Variants in HK1 observed in about 807,000 individuals in gnomAD.
HK1 encodes the protein hexokinase-1.
A neutral mutation model predicts 91.6 loss-of-function variants in HK1; 28 were observed. The observed-to-expected ratio is 0.31, with a 90% CI of 0.23 to 0.42. The LOEUF (loss-of-function observed/expected upper bound fraction) is 0.42, where lower values mean the gene tolerates loss of function less well. Ranked by LOEUF, HK1 falls within the 10% of genes least tolerant of loss-of-function variation. HK1 has a pLI of 1.00. For missense variants in HK1, 770 were observed against 1,219.8 expected (o/e 0.63, Z 5.49); for synonymous variants, 430 against 468.1 (o/e 0.92, Z 1.05).
At chr10:69,283,808 A>AAAAAAAAAAAAAAAAG (rs1564751495) in intron 2 of HK1, among the ~76,000 whole-genome samples, 4 of 144,704 alleles carry the variant, frequency 2.8e-5, no homozygotes, top group South Asian at 2.2e-4. Flanking sequence ...CAAAAAAAAA[A>AAAAAAAAAAAAAAAAG]AAAAAAAAAG....
intron 4 of HK1, 102 bp from the exon 5 acceptor site, chr10:69,368,434 C>T: frequency 9.9e-7 from 1 of 1,008,580 alleles, no homozygotes; most frequent in Non-Finnish European, 1.6e-6. Flanking sequence ...CACTTGGCCC[C>T]TATGGGCTTC....
intron 1 of HK1, among the ~76,000 whole-genome samples, chr10:69,325,968 G>A (rs1485316679): frequency 1.3e-5 from 2 of 151,480 alleles, no homozygotes; most frequent in Non-Finnish European, 2.9e-5. Flanking sequence ...CCTAGTAGCT[G>A]GGATTACAGG....
At chr10:69,330,070 G>A (rs1217088463) in intron 1 of HK1, among the ~76,000 whole-genome samples, 4 of 152,148 alleles carry the variant, frequency 2.6e-5, no homozygotes, top group South Asian at 2.1e-4. Context: ...TGCTCCTTGC[G>A]ATGCCCACTC....
chr10:69,361,353 C>T (rs1849408514), intron 3 of HK1, among the ~76,000 whole-genome samples: 1 of 152,246 alleles, frequency 6.6e-6, no homozygotes, highest in Non-Finnish European at 1.5e-5. Context: ...ACAAAGGCTG[C>T]CAGCTGGTAG....
At position 69,336,619 on chromosome 10, in the gene HK1, T is replaced by C. The variant is rs531943550; in HGVS notation, c.64-7208T>C. Among the ~76,000 whole-genome samples the C allele has an allele frequency of 3.2e-3, 478 of 150,924 alleles. 1 individual carries two copies. The highest frequency in any genetic ancestry group is 0.011 in the African/African-American group (445 of 40,944). Reference sequence around the variant, plus strand: ...CTTTAGTTTTCTACCAATGGGTCAATAGCATTTTGGTAGATGCCTTTTTTT... The same window carrying C: ...CTTTAGTTTTCTACCAATGGGTCAACAGCATTTTGGTAGATGCCTTTTTTT... On this transcript the variant is annotated intron_variant, in intron 1 of 17. Transcript: ENST00000359426.
At chr10:69,360,099 C>T in intron 3 of HK1, 54 bp downstream of exon 3, 1 of 1,562,166 alleles carries the variant, frequency 6.4e-7, no homozygotes, top group Non-Finnish European at 8.8e-7. Flanking sequence ...CCCTTGGTTA[C>T]CTCCAGGAAC....
At chr10:69,312,826 C>T (rs1846438882), upstream of HK1, among the ~76,000 whole-genome samples, 1 of 151,774 alleles carries the variant, frequency 6.6e-6, no homozygotes, top group South Asian at 2.1e-4. Context: ...TTGGTCTTTC[C>T]CCTTTGGAGG....
intron 2 of HK1, chr10:69,288,537 C>T (rs918796242): frequency 1.7e-5 from 11 of 636,270 alleles, no homozygotes; most frequent in Admixed American, 7.9e-5. Flanking sequence ...CCTGGGTTTA[C>T]GAATACTCTA....
At chr10:69,366,475 A>G (rs111947122) in intron 4 of HK1, among the ~76,000 whole-genome samples, 86 of 152,264 alleles carry the variant, frequency 5.6e-4, no homozygotes, top group African/African-American at 2.0e-3. Flanking sequence ...GCTTGAGAGC[A>G]CAGCAGGCCA....
intron 5 of HK1, among the ~76,000 whole-genome samples, chr10:69,306,556 A>G (rs547150660): frequency 6.6e-6 from 1 of 152,250 alleles, no homozygotes; most frequent in East Asian, 1.9e-4. Context: ...AGGAGGGTGG[A>G]GGAACAGTCA....
intron 2 of HK1, among the ~76,000 whole-genome samples, chr10:69,351,162 G>A (rs552362781): frequency 2.7e-5 from 4 of 149,698 alleles, no homozygotes; most frequent in Non-Finnish European, 4.4e-5. Flanking sequence ...GCGACAGAGC[G>A]AGACTCCGTC....
intron 2 of HK1, among the ~76,000 whole-genome samples, chr10:69,283,792 C>A: frequency 1.3e-5 from 1 of 75,704 alleles, no homozygotes; most frequent in Admixed American, 1.7e-4. Flanking sequence ...GAGTGAGACT[C>A]TGTCTCAAAA....
intron 15 of HK1, among the ~76,000 whole-genome samples, chr10:69,393,632 G>T (rs1051526590): frequency 6.6e-6 from 1 of 152,184 alleles, no homozygotes; most frequent in African/African-American, 2.4e-5. Context: ...AATGAAGGAG[G>T]AAAAAGAGGA....
chr10:69,276,118 A>AAAAAAATATATATATATATAT lies in HK1; in HGVS notation c.-391+6011_-391+6012insAAAAATATATATATATATATA. 4.2e-4 allele frequency among the ~76,000 whole-genome samples: 16 copies of AAAAAAATATATATATATATAT among 38,270 alleles called. 1 individual carries two copies. Among genetic ancestry groups the AAAAAAATATATATATATATAT allele is most frequent in the South Asian group, 1.6e-3 (1 of 644 alleles). 25.1% of individuals were successfully genotyped at this position (38,270 alleles called of 152,430 possible). ...AAAAAAAAAAAAAAAAAAAAAAAAA[A>AAAAAAATATATATATATATAT]ATACATATATATATATATATACACA... On this transcript the variant is annotated intron_variant, in intron 1 of 21. Coordinates refer to the HK1 transcript ENST00000360289.
In HK1 at chr10:69,343,443, C is replaced by T. The variant is rs149166040; in HGVS notation, c.64-384C>T. On this transcript the variant is annotated intron_variant, in intron 1 of 17. Coordinates refer to ENST00000359426, the MANE Select transcript of HK1 (RefSeq NM_000188.3). ...CTGGCTCCAGAGCCCTTGTTCGTAG[C>T]CTCTCTGTCATTCCCATCCCAGTGA... Among the ~76,000 whole-genome samples, 4 of 152,264 alleles carry T rather than the reference C, an allele frequency of 2.6e-5. No individual in the cohort carries two copies. In the East Asian group the frequency reaches 7.7e-4, roughly 29 times the overall value.
In HK1 at chr10:69,369,644, T is replaced by C. The variant is rs762730592; in HGVS notation, c.875+20T>C. On this transcript the variant is annotated intron_variant, in intron 7 of 17. Transcript: ENST00000359426. This position sits in a 1 kb window ranked among gnomAD's most constrained non-coding sequence, Gnocchi z 4.4. ...ACAGCTGTGAGTCCTTGACTTTTGC[T>C]TCTAACCACATATGTGAGTTAGGGG... 5 of 1,608,618 alleles carry C rather than the reference T, an allele frequency of 3.1e-6. No individual in the cohort carries two copies. Among genetic ancestry groups the C allele is most frequent in the Non-Finnish European group, 4.3e-6 (5 of 1,176,430 alleles).
At chr10:69,270,815 A>G (rs1468409861) in intron 1 of HK1, among the ~76,000 whole-genome samples, 1 of 152,194 alleles carries the variant, frequency 6.6e-6, no homozygotes, top group Non-Finnish European at 1.5e-5. Flanking sequence ...CTCCATGAGA[A>G]TAAAGACTTG....
At chr10:69,394,890 G>C in intron 15 of HK1, 60 bp from the exon 16 acceptor site, 1 of 1,561,828 alleles carries the variant, frequency 6.4e-7, no homozygotes, top group Non-Finnish European at 8.8e-7. Context: ...GTGAGACCGA[G>C]GGGTGACAGT....
intron 4 of HK1, chr10:69,295,726 G>A: frequency 8.3e-7 from 1 of 1,199,116 alleles, no homozygotes; most frequent in Non-Finnish European, 1.2e-6. Flanking sequence ...AACATTTTCT[G>A]TAAAAGATAG....
Sources: gnomAD v4.1 joint callset for allele counts (sites outside exome capture counted in the v4.1 genomes callset) on GRCh38, gnomAD v4.1.1 for gene constraint, Gnocchi (gnomAD v3.1) non-coding constraint, MANE v1.5 for transcripts, NCBI Gene and HGNC (gene_info 2026-07-23, HGNC 2026-07-21) for gene names.